The following SQSTM1 variants were observed in gnomAD, a reference collection of about 807,000 sequenced individuals.
The protein encoded by SQSTM1 is sequestosome 1, also known as sequestosome-1.
SQSTM1 carries 36 observed loss-of-function variants against 45.1 expected under a neutral mutation model. The ratio of observed to expected loss-of-function variants is 0.80; its 90% CI spans 0.61 to 1.05. The LOEUF is 1.05. SQSTM1 is among the 50% of genes least tolerant of loss of function. The pLI, the probability that SQSTM1 is intolerant of heterozygous loss-of-function variation, is 0.00. For synonymous variants in SQSTM1, 290 were observed against 244.3 expected (o/e 1.19, Z -1.74); for missense variants, 617 against 607.1 (o/e 1.02, Z -0.17).
intron 1 of SQSTM1, among the ~76,000 whole-genome samples, chr5:179,809,766 C>G (rs936028787): frequency 1.3e-5 from 2 of 151,076 alleles, no homozygotes; most frequent in Non-Finnish European, 2.9e-5. Context: ...GCCTCAGCCA[C>G]CTGAGTAGCT....
chr5:179,833,453 T>C lies in SQSTM1; in HGVS notation c.970-134T>C, dbSNP rs1202107829. ...CTTGGTCTTTGTGAGTGGCCACTGTTCCCCCTAGACCCCTGCAGCCTTAAC... is the reference window on the plus strand; with the variant it reads ...CTTGGTCTTTGTGAGTGGCCACTGTCCCCCCTAGACCCCTGCAGCCTTAAC... On this transcript the variant is annotated intron_variant, in intron 6 of 7. Transcript: ENST00000389805. 9 of 1,057,104 alleles carry C rather than the reference T, an allele frequency of 8.5e-6. No individual in the cohort carries two copies. In the African/African-American group the frequency reaches 1.1e-4, roughly 13 times the overall value. The allele number at this position is 1,057,104 out of a possible 1,614,324, so 65.5% of individuals were successfully genotyped here.
upstream of SQSTM1, among the ~76,000 whole-genome samples, chr5:179,819,225 G>A (rs1029720698): frequency 3.3e-5 from 5 of 152,198 alleles, no homozygotes; most frequent in Admixed American, 6.5e-5. Flanking sequence ...TGGGGGCAGG[G>A]CGGCCGCTGG....
At position 179,837,573 on chromosome 5, in the gene SQSTM1, G is replaced by A. The variant is rs1309332857; in HGVS notation, c.*980G>A. On this transcript the variant is annotated 3_prime_UTR_variant, in exon 8 of 8. Coordinates refer to ENST00000389805, the MANE Select transcript of SQSTM1 (RefSeq NM_003900.5). Reference sequence around the variant, plus strand: ...ACGGGGTGTGTGGCCCGAGGAAGCTGGACAGCGGCAGTGGGCCTGCTGAGG... The same window carrying A: ...ACGGGGTGTGTGGCCCGAGGAAGCTAGACAGCGGCAGTGGGCCTGCTGAGG... 1 of 1,614,186 alleles carries A rather than the reference G, an allele frequency of 6.2e-7. No homozygotes were observed. Among genetic ancestry groups the A allele is most frequent in the Non-Finnish European group, 8.5e-7 (1 of 1,180,008 alleles).
chr5:179,833,888 T>C (rs2113513477), intron 7 of SQSTM1, 106 bp downstream of exon 7: 2 of 1,279,756 alleles, frequency 1.6e-6, no homozygotes, highest in Non-Finnish European at 2.2e-6. Context: ...TGTTCTCCAC[T>C]GCAGGGCTGT....
At chr5:179,821,562 A>G in intron 1 of SQSTM1, 1 of 467,080 alleles carries the variant, frequency 2.1e-6, no homozygotes, top group Non-Finnish European at 4.2e-6. Flanking sequence ...TGGTGGGTTC[A>G]GATAATGCCC....
rs148984239 is a variant in SQSTM1 at position 179,833,165 on chromosome 5, G to A, written c.888G>A (p.Pro296=). Residue 296 remains proline (P), a synonymous_variant, in exon 6 of 8, where the codon CCG becomes CCA. Coordinates refer to ENST00000389805, the MANE Select transcript of SQSTM1 (RefSeq NM_003900.5). ...PSSCCSDPSK[P]GGNVEGATQS... is the part of the protein sequence containing the mutation. ...GCTGCTGCTCTGACCCCAGCAAGCC[G>A]GGTGGGAATGTTGAGGGCGCCACGC... 1.9e-4 allele frequency: 306 copies of A among 1,614,058 alleles called. 1 individual carries two copies. In the African/African-American group the frequency reaches 2.1e-3, roughly 11 times the overall value.
intron 1 of SQSTM1, chr5:179,807,246 C>T (rs1304813585): frequency 1.3e-5 from 2 of 152,236 alleles, no homozygotes; most frequent in East Asian, 3.9e-4. Context: ...ACCCCGACCC[C>T]ATTCGCACGT....
intron 5 of SQSTM1, among the ~76,000 whole-genome samples, chr5:179,832,162 A>C (rs1490687169): frequency 6.6e-6 from 1 of 152,212 alleles, no homozygotes; most frequent in African/African-American, 2.4e-5. Context: ...CAGAGTAGGA[A>C]GTGCGCAGAT....
At chr5:179,832,218 AGGGAGAGTTTG>A (rs1247762539) in intron 5 of SQSTM1, among the ~76,000 whole-genome samples, 1 of 152,260 alleles carries the variant, frequency 6.6e-6, no homozygotes, top group Non-Finnish European at 1.5e-5. Context: ...GAAAGGGCAC[AGGGAGAGTTTG>A]GGGAGTGGGA....
chr5:179,814,827 G>A (rs186253832), upstream of SQSTM1, among the ~76,000 whole-genome samples: 7 of 152,236 alleles, frequency 4.6e-5, no homozygotes, highest in East Asian at 1.4e-3. Flanking sequence ...AGGCCGAGGC[G>A]GGAGGATCGC....
In SQSTM1 at chr5:179,836,689, T is replaced by C. The variant is rs747720686; in HGVS notation, c.*96T>C. 10 of 1,581,258 alleles carry C rather than the reference T, an allele frequency of 6.3e-6. No homozygotes were observed. The highest frequency in any genetic ancestry group is 1.7e-5 in the Admixed American group (1 of 59,960). ...AGGTCTCTGTACGGGCCAGTTTCTC[T>C]GCCTTCTTCCAGGATCAGGGGTTAG... is the stretch of plus-strand genomic sequence containing the variant. On this transcript the variant is annotated 3_prime_UTR_variant, in exon 8 of 8. Coordinates refer to ENST00000389805, the MANE Select transcript of SQSTM1 (RefSeq NM_003900.5).
At chr5:179,832,558 CAT>C (rs1201354137) in intron 5 of SQSTM1, among the ~76,000 whole-genome samples, 1 of 152,218 alleles carries the variant, frequency 6.6e-6, no homozygotes, top group Non-Finnish European at 1.5e-5. Context: ...GCGCCTGCCA[CAT>C]GTGGTATTGG....
intron 5 of SQSTM1, among the ~76,000 whole-genome samples, chr5:179,832,717 A>C (rs1004890006): frequency 1.3e-5 from 2 of 152,168 alleles, no homozygotes; most frequent in Non-Finnish European, 2.9e-5. Context: ...GAGAAAGAGA[A>C]AGGTCCAGTA....
Position 179,836,612 on chromosome 5 carries a change from T to C in SQSTM1, c.*19T>C, listed in dbSNP as rs1758571698. 1 of 1,611,668 alleles carries C rather than the reference T, an allele frequency of 6.2e-7. No homozygotes were observed. Among genetic ancestry groups the C allele is most frequent in the Non-Finnish European group, 8.5e-7 (1 of 1,179,994 alleles). ...GTTGTGACCACTTTTGCCCACCTCT[T>C]CTGCGTGCCCCTCTTCTGTCTCATA... On this transcript the variant is annotated 3_prime_UTR_variant, in exon 8 of 8. Coordinates refer to ENST00000389805, the MANE Select transcript of SQSTM1 (RefSeq NM_003900.5).
rs752464933 is a variant in SQSTM1 at position 179,823,004 on chromosome 5, A to C, written c.252A>C (p.Thr84=). The C allele has an allele frequency of 2.5e-6, 4 of 1,614,020 alleles. No homozygotes were observed. The highest frequency in any genetic ancestry group is 3.4e-6 in the Non-Finnish European group (4 of 1,179,956). Residue 84 remains threonine, a synonymous_variant, in exon 2 of 8, where the codon ACA becomes ACC. Transcript: ENST00000389805. ...CCTTTTCCAGTGACGAGGAATTGAC[A>C]ATGGCCATGTCCTACGTGAAGGATG... ...LVAFSSDEEL[T]MAMSYVKDDI... is the part of the protein sequence containing the mutation.
At position 179,834,456 on chromosome 5, in the gene SQSTM1, C is replaced by G. The variant is rs931402979; in HGVS notation, c.1165+674C>G. On this transcript the variant is annotated intron_variant, in intron 7 of 7. Transcript: ENST00000389805. ...TTATTGATCATTCTTGGGTGTTTCT[C>G]GCAGAGGGGGATTTGGCAGGGTCAT... Among the ~76,000 whole-genome samples, 54 of 151,446 alleles carry G rather than the reference C, an allele frequency of 3.6e-4. 1 individual carries two copies. Among genetic ancestry groups the G allele is most frequent in the African/African-American group, 6.8e-4 (28 of 41,138 alleles).
rs998103787 is a variant in SQSTM1, at chr5:179,836,753, T to C, written c.*160T>C. The C allele has an allele frequency of 3.7e-6, 4 of 1,073,792 alleles. No homozygotes were observed. The highest frequency in any genetic ancestry group is 1.9e-5 in the Admixed American group (1 of 53,980). 66.5% of individuals were successfully genotyped at this position (1,073,792 alleles called of 1,614,324 possible). A position where few individuals can be genotyped will look rare whatever the true frequency, so the allele number is the denominator to read the frequency against. On this transcript the variant is annotated 3_prime_UTR_variant, in exon 8 of 8. Coordinates refer to ENST00000389805, the MANE Select transcript of SQSTM1 (RefSeq NM_003900.5). ...ATTTAGGGCAGCAAAACAAGTGACA[T>C]GAAGGGAGGGTCCCTGTGTGTGTGT...
chr5:179,834,170 T>G (rs1382614018), intron 7 of SQSTM1, among the ~76,000 whole-genome samples: 5 of 118,312 alleles, frequency 4.2e-5, no homozygotes, highest in East Asian at 5.2e-4. Flanking sequence ...GGGGGGGTCA[T>G]AGCCAAGATC....
chr5:179,827,954 C>CTG (rs951310716), intron 5 of SQSTM1, among the ~76,000 whole-genome samples: 1 of 152,138 alleles, frequency 6.6e-6, no homozygotes, highest in Non-Finnish European at 1.5e-5. Context: ...TGAGAACCTG[C>CTG]TGAGGGAGCC....
Sources: gnomAD v4.1 joint callset for allele counts (sites outside exome capture counted in the v4.1 genomes callset) on GRCh38, gnomAD v4.1.1 for gene constraint, MANE v1.5 for transcripts, NCBI Gene and HGNC (gene_info 2026-07-23, HGNC 2026-07-21) for gene names.